Variants in DACH1 observed in about 807,000 individuals in gnomAD.
DACH1 encodes dachshund homolog 1.
In DACH1, 12 loss-of-function variants were observed where a neutral mutation model predicts 54.2. The observed-to-expected ratio is 0.22, with a 90% CI of 0.14 to 0.36. The LOEUF is 0.36. DACH1 is among the 10% of genes least tolerant of loss of function. The pLI, the probability that DACH1 is intolerant of heterozygous loss-of-function variation, is 1.00. For synonymous variants in DACH1, 386 were observed against 366.2 expected (o/e 1.05, Z -0.62); for missense variants, 805 against 929.8 (o/e 0.87, Z 1.75).
chr13:71,833,847 A>G lies in DACH1; in HGVS notation c.848+32075T>C, dbSNP rs535058637. 2.0e-5 allele frequency among the ~76,000 whole-genome samples: 3 copies of G among 152,174 alleles called. No homozygotes were observed. The South Asian group carries it at 6.2e-4, about 32-fold the overall frequency. ...AATCCCTAGTTTTGTCAAAACTACA[A>G]TTTATTAACTAGCATAAATAAGTAA... On this transcript the variant is annotated intron_variant, in intron 1 of 10. Transcript: ENST00000613252.
intron 6 of DACH1, among the ~76,000 whole-genome samples, chr13:71,499,937 A>C: frequency 6.6e-6 from 1 of 152,170 alleles, no homozygotes; most frequent in East Asian, 1.9e-4. Flanking sequence ...TAGTAGATGC[A>C]TAGTGCACCC....
chr13:71,846,500 G>A (rs1461158095), intron 1 of DACH1, among the ~76,000 whole-genome samples: 2 of 152,098 alleles, frequency 1.3e-5, no homozygotes, highest in African/African-American at 4.8e-5. Context: ...AAATAAGCCC[G>A]TCGTGGTGAC....
At chr13:71,842,130 C>T (rs1872900071) in intron 1 of DACH1, among the ~76,000 whole-genome samples, 1 of 152,174 alleles carries the variant, frequency 6.6e-6, no homozygotes, top group Admixed American at 6.5e-5. Flanking sequence ...ATTTATTTAA[C>T]TTCTCTGTAA....
At chr13:71,716,006 G>A (rs1025749572) in intron 1 of DACH1, among the ~76,000 whole-genome samples, 1 of 151,994 alleles carries the variant, frequency 6.6e-6, no homozygotes, top group Non-Finnish European at 1.5e-5. Flanking sequence ...CAACATGTCT[G>A]ATGTAAACTT....
At chr13:71,676,857 AATACGT>A (rs1566425892) in intron 2 of DACH1, among the ~76,000 whole-genome samples, 1 of 152,132 alleles carries the variant, frequency 6.6e-6, no homozygotes, top group Non-Finnish European at 1.5e-5. Flanking sequence ...TCTTTACCTG[AATACGT>A]ATTAGTTATA....
intron 2 of DACH1, among the ~76,000 whole-genome samples, chr13:71,638,371 G>C (rs202062328): frequency 6.6e-6 from 1 of 152,100 alleles, no homozygotes; most frequent in Non-Finnish European, 1.5e-5. Context: ...GCATTAATAC[G>C]CAGTCCTGGT....
intron 3 of DACH1, among the ~76,000 whole-genome samples, chr13:71,615,829 A>ATG (rs910089904): frequency 9.2e-5 from 14 of 152,024 alleles, no homozygotes; most frequent in South Asian, 8.3e-4. Flanking sequence ...ATGAATGTTC[A>ATG]TGTGTGTGTG....
At chr13:71,718,548 C>A (rs1392000211) in intron 1 of DACH1, among the ~76,000 whole-genome samples, 2 of 150,144 alleles carry the variant, frequency 1.3e-5, no homozygotes, top group Non-Finnish European at 3.0e-5. Flanking sequence ...TGCACACCAT[C>A]CCGGATGACA....
At chr13:71,722,037 C>A (rs753327460) in intron 1 of DACH1, among the ~76,000 whole-genome samples, 19 of 152,118 alleles carry the variant, frequency 1.2e-4, no homozygotes, top group Middle Eastern at 3.4e-3. Context: ...GTATATGAAT[C>A]ATCACTTTGA....
intron 1 of DACH1, among the ~76,000 whole-genome samples, chr13:71,768,194 T>C (rs1042521930): frequency 6.6e-6 from 1 of 151,984 alleles, no homozygotes; most frequent in African/African-American, 2.4e-5. Flanking sequence ...TCACCATTAA[T>C]TCTACCTTCA....
intron 1 of DACH1, among the ~76,000 whole-genome samples, chr13:71,702,795 T>C (rs1459991895): frequency 6.6e-6 from 1 of 152,088 alleles, no homozygotes; most frequent in Non-Finnish European, 1.5e-5. Context: ...AAAATAGATC[T>C]CTTCTAAAGT....
intron 3 of DACH1, among the ~76,000 whole-genome samples, chr13:71,613,321 T>C (rs945206109): frequency 2.6e-5 from 4 of 152,124 alleles, no homozygotes; most frequent in South Asian, 2.1e-4. Flanking sequence ...ACCCAAGAGT[T>C]TTGAGAGAGG....
intron 2 of DACH1, among the ~76,000 whole-genome samples, chr13:71,663,696 A>G (rs139821971): frequency 6.6e-6 from 1 of 151,960 alleles, no homozygotes; most frequent in Non-Finnish European, 1.5e-5. Context: ...TAGATGCCCA[A>G]CTATTAGCTT....
At chr13:71,650,030 T>G (rs1170925484) in intron 2 of DACH1, among the ~76,000 whole-genome samples, 1 of 152,222 alleles carries the variant, frequency 6.6e-6, no homozygotes, top group African/African-American at 2.4e-5. Context: ...TATTAAAAGC[T>G]ACCCCATGAT....
chr13:71,456,775 C>G (rs998708465), intron 10 of DACH1, among the ~76,000 whole-genome samples: 2 of 152,014 alleles, frequency 1.3e-5, no homozygotes, highest in African/African-American at 4.8e-5. Context: ...GGATAATAAA[C>G]GTTGGCTGTT....
At chr13:71,484,540 C>A (rs900723083) in intron 7 of DACH1, among the ~76,000 whole-genome samples, 13 of 152,132 alleles carry the variant, frequency 8.5e-5, no homozygotes, top group Admixed American at 3.3e-4. Flanking sequence ...TGTAGGTAGA[C>A]TATAGTGAAC....
In DACH1 at chr13:71,803,626, G is replaced by A. The variant is rs527345540; in HGVS notation, c.848+62296C>T. On this transcript the variant is annotated intron_variant, in intron 1 of 10. Coordinates refer to ENST00000613252, the MANE Select transcript of DACH1 (RefSeq NM_080759.6). ...CTTAAATTTTCTAACTTTCTCATTC[G>A]AAAGCAAATTATGAAGAAAAAAATC... Among the ~76,000 whole-genome samples the A allele has an allele frequency of 4.6e-5, 7 of 151,980 alleles. No homozygotes were observed. The East Asian group carries it at 5.8e-4, about 13-fold the overall frequency.
intron 6 of DACH1, among the ~76,000 whole-genome samples, chr13:71,497,377 A>G (rs995635135): frequency 1.3e-5 from 2 of 151,290 alleles, no homozygotes; most frequent in Non-Finnish European, 1.5e-5. Context: ...TATTGCCCAG[A>G]CTGGAGTACA....
intron 1 of DACH1, among the ~76,000 whole-genome samples, chr13:71,754,983 A>T (rs1228526985): frequency 2.0e-5 from 3 of 152,084 alleles, no homozygotes; most frequent in East Asian, 1.9e-4. Context: ...ATCATAAACT[A>T]CTTTATCTCT....
Sources: allele counts gnomAD v4.1 joint callset (sites outside exome capture counted in the v4.1 genomes callset), GRCh38; gene constraint gnomAD v4.1.1; transcripts MANE v1.5; gene names NCBI Gene and HGNC (gene_info 2026-07-23, HGNC 2026-07-21).